Variants in NCOA1 observed in about 807,000 individuals in gnomAD.
NCOA1 encodes the protein nuclear receptor coactivator 1, also known as Hin-2 protein.
In NCOA1, 35 loss-of-function variants were observed where a neutral mutation model predicts 150.9. The observed-to-expected ratio is 0.23, with a 90% CI of 0.18 to 0.31. NCOA1 has a LOEUF of 0.31. Among genes scored for constraint, NCOA1 ranks in the 10% least tolerant of loss-of-function variants. The pLI is 1.00. For synonymous variants in NCOA1, 590 were observed against 630.0 expected (o/e 0.94, Z 0.95); for missense variants, 1,491 against 1,749.3 (o/e 0.85, Z 2.63).
At chr2:24,555,041 C>T (rs1028141444) in intron 1 of NCOA1, among the ~76,000 whole-genome samples, 3 of 151,726 alleles carry the variant, frequency 2.0e-5, no homozygotes, top group Admixed American at 6.6e-5. Context: ...AGTTTAGGAG[C>T]GGAGGTTTAA....
At chr2:24,606,483 C>T (rs935451126) in intron 3 of NCOA1, among the ~76,000 whole-genome samples, 3 of 152,146 alleles carry the variant, frequency 2.0e-5, no homozygotes, top group South Asian at 2.1e-4. Flanking sequence ...GTCATCCACC[C>T]GCCTCAGCCT....
intron 3 of NCOA1, among the ~76,000 whole-genome samples, chr2:24,634,018 T>C (rs576203840): frequency 1.3e-5 from 2 of 152,318 alleles, no homozygotes; most frequent in South Asian, 2.1e-4. Flanking sequence ...CACTTCAACA[T>C]GGATAGAACT....
chr2:24,690,435 A>G (rs1672609037), intron 8 of NCOA1, among the ~76,000 whole-genome samples: 1 of 151,946 alleles, frequency 6.6e-6, no homozygotes, highest in Non-Finnish European at 1.5e-5. Flanking sequence ...TGGGTGGATC[A>G]TGAGGTCAGG....
chr2:24,551,437 T>G (rs1665824792), intron 1 of NCOA1, among the ~76,000 whole-genome samples: 1 of 152,224 alleles, frequency 6.6e-6, no homozygotes, highest in African/African-American at 2.4e-5. Flanking sequence ...CACTATCTTT[T>G]GAACAGCAAA....
chr2:24,511,556 CT>C (rs1427950412), intron 1 of NCOA1, among the ~76,000 whole-genome samples: 2 of 152,088 alleles, frequency 1.3e-5, no homozygotes, highest in African/African-American at 4.8e-5. Flanking sequence ...AGATCTTTTG[CT>C]TATTTTAAAA....
At chr2:24,745,996 T>C (rs1663898738) in intron 19 of NCOA1, among the ~76,000 whole-genome samples, 1 of 152,224 alleles carries the variant, frequency 6.6e-6, no homozygotes, top group Non-Finnish European at 1.5e-5. Context: ...AATCATAAAG[T>C]AGTCAACACC....
intron 7 of NCOA1, among the ~76,000 whole-genome samples, chr2:24,677,640 TCTCGAACTCCTGGC>T (rs145430304): frequency 0.012 from 1,779 of 152,222 alleles, 20 homozygotes; most frequent in East Asian, 0.057. Context: ...GCCAGTCTGG[TCTCGAACTCCTGGC>T]CTCACATGAT....
At chr2:24,702,142 G>A (rs576242980) in intron 11 of NCOA1, among the ~76,000 whole-genome samples, 1 of 152,332 alleles carries the variant, frequency 6.6e-6, no homozygotes, top group South Asian at 2.1e-4. Flanking sequence ...CTTGTGTAAT[G>A]TGATTAAGTC....
intron 3 of NCOA1, among the ~76,000 whole-genome samples, chr2:24,643,543 T>G (rs1670328429): frequency 6.6e-6 from 1 of 152,202 alleles, no homozygotes; most frequent in African/African-American, 2.4e-5. Flanking sequence ...GTTTATAAAC[T>G]TTTTCAGTTA....
chr2:24,571,475 T>A (rs1473227370), intron 2 of NCOA1, among the ~76,000 whole-genome samples: 2 of 152,156 alleles, frequency 1.3e-5, no homozygotes, highest in East Asian at 3.8e-4. Flanking sequence ...CATTAGATCC[T>A]CACAAGAATG....
intron 12 of NCOA1, 99 bp downstream of exon 12, chr2:24,705,332 C>G (rs1378573870): frequency 1.6e-6 from 2 of 1,250,566 alleles, no homozygotes; most frequent in Non-Finnish European, 2.2e-6. Flanking sequence ...AGCAGAAATT[C>G]TAAATTAGGC....
intron 1 of NCOA1, among the ~76,000 whole-genome samples, chr2:24,522,922 G>GA (rs1468280290): frequency 6.6e-6 from 1 of 152,162 alleles, no homozygotes; most frequent in Non-Finnish European, 1.5e-5. Context: ...TGAGTATTGA[G>GA]AATTATCTTA....
chr2:24,499,946 G>A (rs1663384929), intron 1 of NCOA1, among the ~76,000 whole-genome samples: 1 of 152,214 alleles, frequency 6.6e-6, no homozygotes, highest in Non-Finnish European at 1.5e-5. Context: ...ATGATACAGT[G>A]TAATTGGGGT....
chr2:24,592,578 A>ATTTTTTTTTTTTTTTTTTTTTT (rs145333073), intron 3 of NCOA1, among the ~76,000 whole-genome samples: 2 of 103,492 alleles, frequency 1.9e-5, no homozygotes, highest in African/African-American at 3.7e-5. Context: ...TCCCCTCCTA[A>ATTTTTTTTTTTTTTTTTTTTTT]TTTTTTTTTT....
intron 21 of NCOA1, among the ~76,000 whole-genome samples, chr2:24,761,494 A>T (rs1664793839): frequency 6.6e-6 from 1 of 152,008 alleles, no homozygotes; most frequent in African/African-American, 2.4e-5. Flanking sequence ...TTTTTTTCAT[A>T]TCTGTTCAGC....
rs932574297 is a variant in NCOA1 at position 24,757,838 on chromosome 2, T to G, written c.3882-135T>G. 4 of 732,152 alleles carry G rather than the reference T, an allele frequency of 5.5e-6. No homozygotes were observed. The African/African-American group carries it at 7.2e-5, about 13-fold the overall frequency. 45.4% of individuals were successfully genotyped at this position (732,152 alleles called of 1,614,324 possible). On this transcript the variant is annotated intron_variant, in intron 20 of 22. Coordinates refer to ENST00000348332, the MANE Select transcript of NCOA1 (RefSeq NM_003743.5). ...AGAATGTATCTGAATTATATTAATT[T>G]TTATATATTTTAAGAAGTTACAGTC... is the stretch of plus-strand genomic sequence containing the variant.
intron 1 of NCOA1, among the ~76,000 whole-genome samples, chr2:24,561,979 G>A (rs1300022088): frequency 6.6e-6 from 1 of 152,040 alleles, no homozygotes; most frequent in Non-Finnish European, 1.5e-5. Context: ...TGAAATGCAG[G>A]TCAGTTTAGA....
intron 3 of NCOA1, among the ~76,000 whole-genome samples, chr2:24,642,823 G>C (rs1670292182): frequency 1.3e-5 from 2 of 152,168 alleles, no homozygotes; most frequent in South Asian, 4.1e-4. Flanking sequence ...CACCAAACTG[G>C]ATGGATCTCA....
intron 1 of NCOA1, among the ~76,000 whole-genome samples, chr2:24,496,936 T>C (rs1188382020): frequency 6.6e-6 from 1 of 152,198 alleles, no homozygotes; most frequent in African/African-American, 2.4e-5. Flanking sequence ...AAGGTATTAA[T>C]TAGGAATTAA....
Sources: allele counts gnomAD v4.1 joint callset (sites outside exome capture counted in the v4.1 genomes callset), GRCh38; gene constraint gnomAD v4.1.1; transcripts MANE v1.5; gene names NCBI Gene and HGNC (gene_info 2026-07-23, HGNC 2026-07-21).